CABCOCO1: variants seen among roughly 807,000 people sequenced by gnomAD.
CABCOCO1 encodes ciliary-associated calcium-binding coiled-coil protein 1.
In CABCOCO1, 28 loss-of-function variants were observed where a neutral mutation model predicts 35.7. The observed-to-expected ratio is 0.78, with a 90% CI of 0.58 to 1.07. The LOEUF (loss-of-function observed/expected upper bound fraction) is 1.07. Ranked by LOEUF, CABCOCO1 falls within the 50% of genes least tolerant of loss-of-function variation. The pLI is 0.00. For synonymous variants in CABCOCO1, 95 were observed against 100.1 expected, an observed-to-expected ratio of 0.95 and a Z score of 0.30; for missense variants, 326 against 309.2, an observed-to-expected ratio of 1.05 and a Z score of -0.41.
chr10:61,667,334 T>C (rs1839218900), intron 1 of CABCOCO1, among the ~76,000 whole-genome samples: 1 of 151,118 alleles, frequency 6.6e-6, no homozygotes, highest in South Asian at 2.1e-4. Flanking sequence ...TCCATTACTG[T>C]GTCAATATCA....
intron 5 of CABCOCO1, among the ~76,000 whole-genome samples, chr10:61,725,351 A>G (rs950907486): frequency 7.2e-5 from 11 of 152,324 alleles, no homozygotes; most frequent in African/African-American, 2.6e-4. Context: ...AAAAACTTGG[A>G]ACCAACCCAA....
intron 5 of CABCOCO1, among the ~76,000 whole-genome samples, chr10:61,696,891 A>T (rs1219113036): frequency 2.0e-5 from 3 of 152,130 alleles, no homozygotes; most frequent in Non-Finnish European, 4.4e-5. Context: ...AAGAATATGA[A>T]CAGATAACAT....
intron 5 of CABCOCO1, among the ~76,000 whole-genome samples, chr10:61,756,071 T>G (rs138249376): frequency 2.6e-3 from 395 of 152,148 alleles, no homozygotes; most frequent in Non-Finnish European, 4.3e-3. Flanking sequence ...ATAACGACCT[T>G]GATTTTTTAA....
chr10:61,686,781 A>G (rs1315228957), intron 4 of CABCOCO1, among the ~76,000 whole-genome samples: 1 of 152,192 alleles, frequency 6.6e-6, no homozygotes, highest in East Asian at 1.9e-4. Flanking sequence ...GTGGAAGTAA[A>G]GTATTTTTAT....
intron 5 of CABCOCO1, among the ~76,000 whole-genome samples, chr10:61,753,384 T>C (rs1416723328): frequency 5.3e-5 from 8 of 152,098 alleles, no homozygotes; most frequent in Admixed American, 5.2e-4. Flanking sequence ...TAACTATTTA[T>C]AATGGAACCA....
intron 5 of CABCOCO1, among the ~76,000 whole-genome samples, chr10:61,748,125 T>C (rs907910437): frequency 6.6e-6 from 1 of 151,372 alleles, no homozygotes; most frequent in African/African-American, 2.4e-5. Flanking sequence ...GATGTATAGG[T>C]TGTATTGGGG....
At chr10:61,670,715 C>A (rs1288911971) in intron 1 of CABCOCO1, among the ~76,000 whole-genome samples, 1 of 152,148 alleles carries the variant, frequency 6.6e-6, no homozygotes, top group Non-Finnish European at 1.5e-5. Flanking sequence ...CCTCTTTCCC[C>A]ACAAAGTCTC....
intron 5 of CABCOCO1, among the ~76,000 whole-genome samples, chr10:61,743,141 C>T (rs1474655708): frequency 6.6e-6 from 1 of 152,030 alleles, no homozygotes; most frequent in Non-Finnish European, 1.5e-5. Flanking sequence ...TACAAGCAAC[C>T]CTTTAATTAC....
At chr10:61,682,073 A>T (rs1411822728) in intron 3 of CABCOCO1, among the ~76,000 whole-genome samples, 4 of 152,202 alleles carry the variant, frequency 2.6e-5, no homozygotes, top group African/African-American at 9.6e-5. Context: ...GAGTATTCAC[A>T]CACTAGAAAT....
chr10:61,735,390 G>T lies in CABCOCO1; in HGVS notation c.553-24669G>T, dbSNP rs565912797. On this transcript the variant is annotated intron_variant, in intron 5 of 7. Transcript: ENST00000648843. ...AGGTGAAATCAACTAAGAAGAGGTA[G>T]CTATAACCCTTAAATCTTTAGTCCT... Among the ~76,000 whole-genome samples the T allele has an allele frequency of 2.6e-4, 39 of 152,184 alleles. No homozygotes were observed. In the South Asian group the frequency reaches 6.4e-3, roughly 25 times the overall value.
At position 61,719,920 on chromosome 10, in the gene CABCOCO1, CAAAAAAA is replaced by C. The variant is rs34712304; in HGVS notation, c.552+29312_552+29318del. On this transcript the variant is annotated intron_variant, in intron 5 of 7. Transcript: ENST00000648843. ...TGGGCAGCAGAGTGAGACTCCATCTCAAAAAAAAAAAAAAAAAAAGGCAAAAAAGAAA... is the reference window on the plus strand; with the variant it reads ...TGGGCAGCAGAGTGAGACTCCATCTCAAAAAAAAAAAAGGCAAAAAAGAAA... Among the ~76,000 whole-genome samples, 4 of 87,980 alleles carry C rather than the reference CAAAAAAA, an allele frequency of 4.5e-5. No individual in the cohort carries two copies. In the Admixed American group the frequency reaches 5.0e-4, roughly 11 times the overall value. The allele number at this position is 87,980 out of a possible 152,430, so 57.7% of individuals were successfully genotyped here. A position where few individuals can be genotyped will look rare whatever the true frequency, so the allele number is the denominator to read the frequency against.
chr10:61,680,695 TATATATGTTATACATGTATAA>T (rs1564532844), intron 2 of CABCOCO1, among the ~76,000 whole-genome samples: 1 of 49,334 alleles, frequency 2.0e-5, no homozygotes, highest in Non-Finnish European at 3.3e-5. Context: ...ATGTATAACA[TATATATGTTATACATGTATAA>T]CATATATATT....
chr10:61,744,536 T>C (rs1464722582), intron 5 of CABCOCO1, among the ~76,000 whole-genome samples: 1 of 152,178 alleles, frequency 6.6e-6, no homozygotes. Context: ...AGCAACCCAT[T>C]TGACCTAATA....
At chr10:61,702,805 A>G (rs780518393) in intron 5 of CABCOCO1, among the ~76,000 whole-genome samples, 28 of 152,066 alleles carry the variant, frequency 1.8e-4, no homozygotes, top group Non-Finnish European at 3.7e-4. Flanking sequence ...AAGAATAAAC[A>G]TGCTTAGAAA....
At chr10:61,718,155 T>G (rs1449018936) in intron 5 of CABCOCO1, among the ~76,000 whole-genome samples, 1 of 152,154 alleles carries the variant, frequency 6.6e-6, no homozygotes, top group Non-Finnish European at 1.5e-5. Flanking sequence ...TCCCAAAGCG[T>G]AGTTGGAATG....
At chr10:61,759,910 C>G in intron 5 of CABCOCO1, 149 bp from the exon 6 acceptor site, 1 of 979,558 alleles carries the variant, frequency 1.0e-6, no homozygotes, top group Non-Finnish European at 1.5e-6. Context: ...CACTAGAGGA[C>G]AAAAAGGGCA....
intron 1 of CABCOCO1, among the ~76,000 whole-genome samples, chr10:61,670,282 C>T (rs144100177): frequency 1.3e-5 from 2 of 151,672 alleles, no homozygotes; most frequent in Admixed American, 6.6e-5. Context: ...CAAAACAGTA[C>T]CTTAAACAAA....
intron 2 of CABCOCO1, among the ~76,000 whole-genome samples, chr10:61,679,536 A>T (rs1242233443): frequency 6.6e-6 from 1 of 152,216 alleles, no homozygotes; most frequent in South Asian, 2.1e-4. Context: ...ATTAAAAAAA[A>T]TAAATAAATG....
intron 5 of CABCOCO1, among the ~76,000 whole-genome samples, chr10:61,704,562 G>C (rs1350460305): frequency 6.6e-6 from 1 of 152,142 alleles, no homozygotes; most frequent in African/African-American, 2.4e-5. Context: ...GATGAATGCA[G>C]GCCTGACTGA....
Sources: allele counts gnomAD v4.1 joint callset (sites outside exome capture counted in the v4.1 genomes callset), GRCh38; gene constraint gnomAD v4.1.1; transcripts MANE v1.5; gene names NCBI Gene and HGNC (gene_info 2026-07-23, HGNC 2026-07-21).